The following CCSER1 variants were observed in gnomAD, a reference collection of about 807,000 sequenced individuals.
CCSER1 encodes coiled-coil serine rich protein 1, also known as serine-rich coiled-coil domain-containing protein 1.
Under a neutral mutation model 82.0 loss-of-function variants are expected in CCSER1, and 41 were observed. The ratio of observed to expected loss-of-function variants is 0.50; its 90% CI spans 0.39 to 0.65. CCSER1 has a LOEUF of 0.65. Ranked by LOEUF, CCSER1 falls within the 30% of genes least tolerant of loss-of-function variation. The pLI is 0.00. For missense variants in CCSER1, 1,119 were observed against 1,064.2 expected (o/e 1.05, Z -0.72); for synonymous variants, 414 against 383.9 (o/e 1.08, Z -0.92).
intron 9 of CCSER1, among the ~76,000 whole-genome samples, chr4:91,037,803 A>G (rs1741582570): frequency 6.8e-6 from 1 of 146,932 alleles, no homozygotes; most frequent in African/African-American, 2.4e-5. Flanking sequence ...TTTAATAAAT[A>G]ACTACAGAAT....
chr4:90,170,910 A>G (rs1171498869), intron 1 of CCSER1, among the ~76,000 whole-genome samples: 1 of 151,834 alleles, frequency 6.6e-6, no homozygotes, highest in African/African-American at 2.4e-5. Context: ...ATCATATGGT[A>G]GCTCAATTTC....
rs752601416 is a variant in CCSER1, at chr4:91,598,851, A to G, written c.2497A>G (p.Thr833Ala). The G allele has an allele frequency of 8.4e-6, 13 of 1,551,536 alleles. No individual in the cohort carries two copies. The highest frequency in any genetic ancestry group is 2.7e-5 in the African/African-American group (2 of 73,068). ...CGTTGGGCAGAGCTCTCTGAAGCCAACAGCTAAGACAGAAGGGCTCTCCAC... is the reference window on the plus strand; with the variant it reads ...CGTTGGGCAGAGCTCTCTGAAGCCAGCAGCTAAGACAGAAGGGCTCTCCAC... ...ATVGQSSLKP[T>A]AKTEGLSTFL... The change falls in exon 11 of 11, where the codon ACA becomes GCA. Residue 833 changes from threonine to alanine, a missense_variant. Coordinates refer to ENST00000509176, the MANE Select transcript of CCSER1 (RefSeq NM_001145065.2).
chr4:91,190,967 A>G (rs1734945785), intron 10 of CCSER1, among the ~76,000 whole-genome samples: 1 of 152,206 alleles, frequency 6.6e-6, no homozygotes. Flanking sequence ...CCTGGTTGTT[A>G]TCAGGATTAA....
chr4:91,369,034 T>C (rs1749834344), intron 10 of CCSER1, among the ~76,000 whole-genome samples: 1 of 152,232 alleles, frequency 6.6e-6, no homozygotes, highest in South Asian at 2.1e-4. Context: ...GTAAGGGTTT[T>C]CACACTCATC....
chr4:90,249,886 T>C (rs1722081319), intron 1 of CCSER1, among the ~76,000 whole-genome samples: 1 of 152,148 alleles, frequency 6.6e-6, no homozygotes, highest in East Asian at 1.9e-4. Context: ...CCAGTTTCTC[T>C]ACCATCTGGA....
intron 10 of CCSER1, among the ~76,000 whole-genome samples, chr4:91,434,495 T>C (rs920360404): frequency 1.3e-5 from 2 of 152,046 alleles, no homozygotes; most frequent in Non-Finnish European, 2.9e-5. Context: ...AGATAGGGTG[T>C]CCTCTTAGAG....
At chr4:91,178,024 T>C (rs1010583993) in intron 10 of CCSER1, among the ~76,000 whole-genome samples, 3 of 152,314 alleles carry the variant, frequency 2.0e-5, no homozygotes, top group Admixed American at 2.0e-4. Flanking sequence ...TTGTTCTCAT[T>C]GGTTTCAAAG....
At position 90,943,729 on chromosome 4, in the gene CCSER1, A is replaced by ATTTTT. The variant is rs70965460; in HGVS notation, c.2172+20307_2172+20311dup. Among the ~76,000 whole-genome samples the ATTTTT allele has an allele frequency of 1.7e-4, 12 of 68,884 alleles. No homozygotes were observed. The South Asian group carries it at 2.2e-3, about 12-fold the overall frequency. The allele number at this position is 68,884 out of a possible 152,430, so 45.2% of individuals were successfully genotyped here. ...AAACATGAGCCACTGTGCCAGGCTAATTTTTTTTTTTTTTTTTTTTTTTTT... is the reference window on the plus strand; with the variant it reads ...AAACATGAGCCACTGTGCCAGGCTAATTTTTTTTTTTTTTTTTTTTTTTTTTTTTT... On this transcript the variant is annotated intron_variant, in intron 9 of 10. Transcript: ENST00000509176.
intron 10 of CCSER1, among the ~76,000 whole-genome samples, chr4:91,177,882 T>G (rs2149020711): frequency 6.6e-6 from 1 of 152,314 alleles, no homozygotes; most frequent in East Asian, 1.9e-4. Flanking sequence ...CTTGCTTCTC[T>G]AGTTCTTTAA....
intron 10 of CCSER1, among the ~76,000 whole-genome samples, chr4:91,269,745 A>G (rs915734609): frequency 3.9e-5 from 6 of 152,182 alleles, no homozygotes; most frequent in Non-Finnish European, 8.8e-5. Flanking sequence ...TGCTTCTTAA[A>G]CTATTTAAAT....
Position 90,720,049 on chromosome 4 carries a change from T to C in CCSER1, c.1933-3865T>C, listed in dbSNP as rs138541387. Among the ~76,000 whole-genome samples, 72 of 152,318 alleles carry C rather than the reference T, an allele frequency of 4.7e-4. 1 individual carries two copies. In the East Asian group the frequency reaches 0.011, roughly 24 times the overall value. On this transcript the variant is annotated intron_variant, in intron 6 of 10. Coordinates refer to ENST00000509176, the MANE Select transcript of CCSER1 (RefSeq NM_001145065.2). ...TTTTAATACTTTGAGTTATACTCTG[T>C]AGTATGTTTTTTATGTTGTTGTTCG...
Position 91,167,176 on chromosome 4 carries a change from A to T in CCSER1, c.2217+81182A>T, listed in dbSNP as rs551853182. On this transcript the variant is annotated intron_variant, in intron 10 of 10. Coordinates refer to ENST00000509176, the MANE Select transcript of CCSER1 (RefSeq NM_001145065.2). ...TATAAAAATTAAATACATGACAAGA[A>T]TTGCAATACTTTTTTTTTTTTTTTT... Among the ~76,000 whole-genome samples the T allele has an allele frequency of 2.8e-5, 4 of 143,952 alleles. No individual in the cohort carries two copies. The East Asian group carries it at 8.2e-4, about 29-fold the overall frequency. 94.4% of individuals were successfully genotyped at this position (143,952 alleles called of 152,430 possible).
chr4:90,968,431 C>G (rs1289911026), intron 9 of CCSER1, among the ~76,000 whole-genome samples: 2 of 152,024 alleles, frequency 1.3e-5, no homozygotes, highest in Non-Finnish European at 2.9e-5. Flanking sequence ...GAAGACTGTA[C>G]TGTAGCACAT....
intron 9 of CCSER1, among the ~76,000 whole-genome samples, chr4:91,039,261 T>C (rs1048877838): frequency 6.6e-6 from 1 of 151,794 alleles, no homozygotes; most frequent in Non-Finnish European, 1.5e-5. Context: ...CAGGCTGGTC[T>C]CAAACTCTTG....
intron 6 of CCSER1, among the ~76,000 whole-genome samples, chr4:90,711,963 G>T (rs1186630917): frequency 6.6e-6 from 1 of 151,550 alleles, no homozygotes; most frequent in African/African-American, 2.4e-5. Context: ...CTGGTCATGG[G>T]CTTTTTTTGT....
At chr4:90,297,955 CT>C (rs979730843) in intron 1 of CCSER1, among the ~76,000 whole-genome samples, 2 of 152,008 alleles carry the variant, frequency 1.3e-5, no homozygotes. Flanking sequence ...CTAAAATTCT[CT>C]TTTTTGGTTG....
intron 10 of CCSER1, among the ~76,000 whole-genome samples, chr4:91,597,075 A>G (rs10004659): frequency 0.045 from 6,770 of 152,058 alleles, 322 homozygotes; most frequent in African/African-American, 0.12. Context: ...CACGTAATTA[A>G]TTTTAGAAAA....
At chr4:90,957,847 A>G (rs1302065145) in intron 9 of CCSER1, among the ~76,000 whole-genome samples, 2 of 151,402 alleles carry the variant, frequency 1.3e-5, no homozygotes, top group Non-Finnish European at 2.9e-5. Flanking sequence ...AGATTATCAC[A>G]TATTGACATA....
Position 91,604,245 on chromosome 4 carries a change from T to C in CCSER1, c.*5188T>C, listed in dbSNP as rs1192141644. The C allele has an allele frequency of 2.0e-5, 3 of 152,094 alleles. No homozygotes were observed. Among genetic ancestry groups the C allele is most frequent in the Admixed American group, 2.0e-4 (3 of 15,242 alleles). The allele number at this position is 152,094 out of a possible 1,614,324, so 9.4% of individuals were successfully genotyped here. Reference sequence around the variant, plus strand: ...ATGCTTATCTCCAGAATAGGATCTCTCCTAAGGAGGCAGAGTGATTTAAAC... The same window carrying C: ...ATGCTTATCTCCAGAATAGGATCTCCCCTAAGGAGGCAGAGTGATTTAAAC... On this transcript the variant is annotated 3_prime_UTR_variant, in exon 11 of 11. Coordinates refer to ENST00000509176, the MANE Select transcript of CCSER1 (RefSeq NM_001145065.2).
Sources: gnomAD v4.1 joint callset for allele counts (sites outside exome capture counted in the v4.1 genomes callset) on GRCh38, gnomAD v4.1.1 for gene constraint, MANE v1.5 for transcripts, NCBI Gene and HGNC (gene_info 2026-07-23, HGNC 2026-07-21) for gene names.